NCAM2: variants seen among roughly 807,000 people sequenced by gnomAD.
NCAM2 encodes neural cell adhesion molecule 2, also known as N-CAM-2.
NCAM2 carries 30 observed loss-of-function variants against 98.1 expected under a neutral mutation model. The ratio of observed to expected loss-of-function variants is 0.31; its 90% CI spans 0.23 to 0.41. The LOEUF (loss-of-function observed/expected upper bound fraction) is 0.41, where lower values mean the gene tolerates loss of function less well. NCAM2 is among the 10% of genes least tolerant of loss of function. The pLI, the probability that NCAM2 is intolerant of heterozygous loss-of-function variation, is 1.00. For synonymous variants in NCAM2, 368 were observed against 342.4 expected (o/e 1.07, Z -0.83); for missense variants, 867 against 1,005.8 (o/e 0.86, Z 1.87).
chr21:21,487,398 T>C lies in NCAM2; in HGVS notation c.2077+9927T>C, dbSNP rs551360997. Among the ~76,000 whole-genome samples, 5 of 151,298 alleles carry C rather than the reference T, an allele frequency of 3.3e-5. No individual in the cohort carries two copies. In the East Asian group the frequency reaches 9.6e-4, roughly 29 times the overall value. On this transcript the variant is annotated intron_variant, in intron 15 of 17. Coordinates refer to ENST00000400546, the MANE Select transcript of NCAM2 (RefSeq NM_004540.5). ...TCCTAGTACCATCCAATGATTTTTT[T>C]TTCATACAATGGAGTTTTACATAAA...
chr21:21,370,292 T>C (rs1299537599), intron 8 of NCAM2, among the ~76,000 whole-genome samples: 1 of 151,862 alleles, frequency 6.6e-6, no homozygotes, highest in Non-Finnish European at 1.5e-5. Flanking sequence ...TTTGCTTTCT[T>C]ACCCATTTTT....
intron 10 of NCAM2, among the ~76,000 whole-genome samples, chr21:21,410,946 G>A (rs1252492752): frequency 2.8e-5 from 4 of 143,768 alleles, no homozygotes; most frequent in African/African-American, 1.0e-4. Flanking sequence ...GGTGGAGGTT[G>A]CAGTGAGCCG....
At chr21:21,078,438 T>G (rs1276991120) in intron 1 of NCAM2, among the ~76,000 whole-genome samples, 2 of 152,152 alleles carry the variant, frequency 1.3e-5, no homozygotes, top group Non-Finnish European at 2.9e-5. Flanking sequence ...TTTATATAAT[T>G]CAGATGTGTA....
intron 1 of NCAM2, among the ~76,000 whole-genome samples, chr21:21,094,311 A>T (rs1021412176): frequency 1.3e-5 from 2 of 151,970 alleles, no homozygotes; most frequent in African/African-American, 4.8e-5. Context: ...TGCAAACAAC[A>T]TAGAAAATAC....
intron 12 of NCAM2, among the ~76,000 whole-genome samples, chr21:21,442,840 G>T (rs770244964): frequency 6.6e-6 from 1 of 152,168 alleles, no homozygotes; most frequent in South Asian, 2.1e-4. Flanking sequence ...AATAATAAAA[G>T]AAAATATTGA....
At chr21:21,355,502 G>T (rs1244742670) in intron 8 of NCAM2, among the ~76,000 whole-genome samples, 3 of 86,486 alleles carry the variant, frequency 3.5e-5, no homozygotes, top group Non-Finnish European at 8.1e-5. Flanking sequence ...AGAAAGAAAA[G>T]AAATAAGGGA....
chr21:21,482,189 A>G (rs2146281226), intron 15 of NCAM2, among the ~76,000 whole-genome samples: 1 of 152,312 alleles, frequency 6.6e-6, no homozygotes, highest in South Asian at 2.1e-4. Flanking sequence ...GAAACAAACC[A>G]TAAATTAAGA....
chr21:21,412,663 A>T (rs1041439070), intron 10 of NCAM2, among the ~76,000 whole-genome samples: 5 of 152,188 alleles, frequency 3.3e-5, no homozygotes, highest in Non-Finnish European at 7.4e-5. Flanking sequence ...TGCCTACTTG[A>T]CACACAGCCA....
At chr21:21,061,508 G>A (rs901709185) in intron 1 of NCAM2, among the ~76,000 whole-genome samples, 1 of 152,074 alleles carries the variant, frequency 6.6e-6, no homozygotes, top group African/African-American at 2.4e-5. Flanking sequence ...CACATAAAAA[G>A]TATGAAGCCC....
Position 21,373,957 on chromosome 21 carries a change from G to A in NCAM2, c.1139G>A (p.Cys380Tyr). The A allele has an allele frequency of 6.2e-7, 1 of 1,611,148 alleles. No individual in the cohort carries two copies. Among genetic ancestry groups the A allele is most frequent in the Admixed American group, 1.7e-5 (1 of 59,694 alleles). ...TTGTCAGATTCAGGGAGATATGACT[G>A]TGAAGCTGCAAGCAGAATTGGAGGG... ...VKLSDSGRYD[C>Y]EAASRIGGHQ... Residue 380 changes from cysteine to tyrosine, a missense_variant, in exon 9 of 18, where the codon TGT becomes TAT. This residue lies in a region of NCAM2 where 447 missense variants were observed against 495.7 expected (regional missense o/e 0.90). Transcript: ENST00000400546.
chr21:21,080,226 A>G (rs965542592), intron 1 of NCAM2, among the ~76,000 whole-genome samples: 1 of 152,166 alleles, frequency 6.6e-6, no homozygotes, highest in African/African-American at 2.4e-5. Flanking sequence ...CTTGTGCAGT[A>G]TTTTTGTGTA....
rs2146451605 is a variant in NCAM2, at chr21:21,543,287, C to T, written c.*5330C>T. The T allele has an allele frequency of 6.6e-6, 1 of 151,966 alleles. No individual in the cohort carries two copies. Among genetic ancestry groups the T allele is most frequent in the South Asian group, 2.1e-4 (1 of 4,816 alleles). 9.4% of individuals were successfully genotyped at this position (151,966 alleles called of 1,614,324 possible). A position where few individuals can be genotyped will look rare whatever the true frequency, so the allele number is the denominator to read the frequency against. On this transcript the variant is annotated 3_prime_UTR_variant, in exon 18 of 18. Coordinates refer to ENST00000400546, the MANE Select transcript of NCAM2 (RefSeq NM_004540.5). ...CTTACAGTATATCAAACTTGTCACA[C>T]TTCACCATTTGTATATTAATAGTAA...
At chr21:21,376,577 G>A (rs1277307327) in intron 9 of NCAM2, among the ~76,000 whole-genome samples, 2 of 151,612 alleles carry the variant, frequency 1.3e-5, no homozygotes, top group South Asian at 2.1e-4. Context: ...AGAAAATAAT[G>A]GGATAAACAA....
chr21:21,502,759 T>C (rs149620825), intron 15 of NCAM2, among the ~76,000 whole-genome samples: 1 of 152,114 alleles, frequency 6.6e-6, no homozygotes, highest in Non-Finnish European at 1.5e-5. Flanking sequence ...CCTACTTGCC[T>C]GCTGCATCCA....
chr21:21,282,249 A>G (rs1332559148), intron 2 of NCAM2, among the ~76,000 whole-genome samples: 2 of 151,910 alleles, frequency 1.3e-5, no homozygotes, highest in Non-Finnish European at 1.5e-5. Flanking sequence ...TGAAAATACA[A>G]TGAAATTGTT....
intron 9 of NCAM2, among the ~76,000 whole-genome samples, chr21:21,380,273 G>A (rs538024426): frequency 5.0e-4 from 76 of 152,236 alleles, no homozygotes; most frequent in Non-Finnish European, 1.0e-3. Flanking sequence ...ATCACATTAA[G>A]AGGTATTAAA....
intron 9 of NCAM2, among the ~76,000 whole-genome samples, chr21:21,391,843 T>C (rs2076387251): frequency 6.6e-6 from 1 of 152,194 alleles, no homozygotes; most frequent in Non-Finnish European, 1.5e-5. Context: ...CCTCTTTGTT[T>C]AAATGATCTT....
In NCAM2 at chr21:21,416,494, G is replaced by GAA. The variant is rs548650184; in HGVS notation, c.1384-1969_1384-1968dup. Among the ~76,000 whole-genome samples the GAA allele has an allele frequency of 6.1e-3, 815 of 132,806 alleles. 8 individuals are homozygous for GAA. The highest frequency in any genetic ancestry group is 0.011 in the Non-Finnish European group (655 of 61,980). The allele number at this position is 132,806 out of a possible 152,430, so 87.1% of individuals were successfully genotyped here. On this transcript the variant is annotated intron_variant, in intron 10 of 17. Coordinates refer to ENST00000400546, the MANE Select transcript of NCAM2 (RefSeq NM_004540.5). ...GGATTGCTACAAACCTTCAATTTGTGAAAAAAAAAAAGAAAAGAAAAAAGA... is the reference window on the plus strand; with the variant it reads ...GGATTGCTACAAACCTTCAATTTGTGAAAAAAAAAAAAAGAAAAGAAAAAAGA...
chr21:21,160,334 T>C (rs917748123), intron 1 of NCAM2, among the ~76,000 whole-genome samples: 1 of 151,924 alleles, frequency 6.6e-6, no homozygotes, highest in Non-Finnish European at 1.5e-5. Context: ...AATATAAATA[T>C]ATTGTTGTAG....
Sources: allele counts gnomAD v4.1 joint callset (sites outside exome capture counted in the v4.1 genomes callset), GRCh38; gene constraint gnomAD v4.1.1; regional missense constraint gnomAD v4.1.1; transcripts MANE v1.5; gene names NCBI Gene and HGNC (gene_info 2026-07-23, HGNC 2026-07-21).